Variants in GRIN2A observed in about 807,000 individuals in gnomAD.
GRIN2A encodes glutamate receptor ionotropic, NMDA 2A.
Under a neutral mutation model 113.4 loss-of-function variants are expected in GRIN2A, and 22 were observed. The observed-to-expected ratio is 0.19, with a 90% CI of 0.14 to 0.28. The LOEUF is 0.28. Among genes scored for constraint, GRIN2A ranks in the 10% least tolerant of loss-of-function variants. The probability of loss-of-function intolerance (pLI) is 1.00; values close to 1 mark genes in which losing one functional copy is unlikely to be tolerated. For missense variants in GRIN2A, 1,502 were observed against 1,887.0 expected (o/e 0.80, Z 3.78); for synonymous variants, 827 against 738.4 (o/e 1.12, Z -1.94).
chr16:10,056,489 C>A (rs948260754), intron 2 of GRIN2A, among the ~76,000 whole-genome samples: 5 of 152,196 alleles, frequency 3.3e-5, no homozygotes, highest in Admixed American at 3.3e-4. Flanking sequence ...AACCCTCTAA[C>A]CACCTGTATT....
At chr16:9,786,546 A>T (rs1902242159) in intron 11 of GRIN2A, among the ~76,000 whole-genome samples, 1 of 152,114 alleles carries the variant, frequency 6.6e-6, no homozygotes. Flanking sequence ...GTAAAAGAGG[A>T]AGGAGCACTG....
chr16:10,036,437 C>CG (rs1555468696), intron 2 of GRIN2A, among the ~76,000 whole-genome samples: 1 of 92,672 alleles, frequency 1.1e-5, no homozygotes, highest in Admixed American at 1.1e-4. Context: ...TTAGTACTTA[C>CG]TTTTTTTTTT....
chr16:10,028,807 C>CTT (rs1281492095), intron 2 of GRIN2A, among the ~76,000 whole-genome samples: 27 of 152,208 alleles, frequency 1.8e-4, no homozygotes, highest in African/African-American at 5.8e-4. Context: ...AGCATAAAAG[C>CTT]TTCCTTAGAT....
rs74935155 is a variant in GRIN2A at position 9,763,339 on chromosome 16, C to G, written c.4205G>C (p.Arg1402Pro). Residue 1402 changes from arginine (R) to proline (P), a missense_variant, in exon 13 of 13, where the codon CGG (arginine) becomes CCG (proline). Around this residue, in one of 7 missense-constraint regions of GRIN2A, gnomAD observed 832 missense variants for 789.7 expected, o/e 1.05. Coordinates refer to ENST00000330684, the MANE Select transcript of GRIN2A (RefSeq NM_001134407.3). ...CGATGCCGTTGACCTCAAGGACGAC[C>G]GAAGATAGCTGTCATTCACCGCCTG... ...PSQAVNDSYL[R>P]SSLRSTASYC... The G allele has an allele frequency of 6.2e-6, 10 of 1,613,950 alleles. No homozygotes were observed. The highest frequency in any genetic ancestry group is 8.5e-6 in the Non-Finnish European group (10 of 1,180,014).
intron 3 of GRIN2A, among the ~76,000 whole-genome samples, chr16:9,906,107 A>C (rs1277617245): frequency 1.3e-5 from 2 of 152,144 alleles, no homozygotes; most frequent in African/African-American, 4.8e-5. Flanking sequence ...TGCTATTCAG[A>C]TTCCTACATT....
At chr16:10,157,468 T>C (rs1028331953) in intron 2 of GRIN2A, among the ~76,000 whole-genome samples, 3 of 152,212 alleles carry the variant, frequency 2.0e-5, no homozygotes, top group African/African-American at 7.2e-5. Flanking sequence ...ATAAAAATAC[T>C]ACCAGAGACG....
At chr16:10,099,869 G>C (rs527619055) in intron 2 of GRIN2A, among the ~76,000 whole-genome samples, 1 of 152,292 alleles carries the variant, frequency 6.6e-6, no homozygotes, top group East Asian at 1.9e-4. Flanking sequence ...CTGAGGTGCC[G>C]AGTGCTGGGG....
chr16:10,060,195 G>C (rs929940523), intron 2 of GRIN2A, among the ~76,000 whole-genome samples: 2 of 152,142 alleles, frequency 1.3e-5, no homozygotes, highest in Non-Finnish European at 2.9e-5. Flanking sequence ...TCAGAGAAAG[G>C]ATTGAGAACA....
chr16:10,112,386 A>T (rs2142150663), intron 2 of GRIN2A: 1 of 685,692 alleles, frequency 1.5e-6, no homozygotes. Flanking sequence ...CCAGGAAGTG[A>T]TGGCCTGCGG....
At chr16:10,170,378 G>C (rs923211294) in intron 2 of GRIN2A, among the ~76,000 whole-genome samples, 1 of 152,190 alleles carries the variant, frequency 6.6e-6, no homozygotes, top group Admixed American at 6.5e-5. Context: ...CCACTTGTAA[G>C]GTAAATAGGT....
intron 4 of GRIN2A, among the ~76,000 whole-genome samples, chr16:9,870,359 G>C (rs2043236933): frequency 6.6e-6 from 1 of 151,802 alleles, no homozygotes; most frequent in African/African-American, 2.4e-5. Context: ...AAGCTGTATT[G>C]GGGAAAAAAT....
intron 2 of GRIN2A, among the ~76,000 whole-genome samples, chr16:9,947,398 A>C (rs191734449): frequency 3.3e-5 from 5 of 152,360 alleles, no homozygotes; most frequent in Admixed American, 3.3e-4. Context: ...AAAGCAAACC[A>C]GTCCCGTTCA....
intron 2 of GRIN2A, among the ~76,000 whole-genome samples, chr16:10,148,466 C>T (rs7200261): frequency 3.2e-4 from 48 of 152,218 alleles, no homozygotes; most frequent in African/African-American, 1.0e-3. Context: ...ATCTAAATGC[C>T]GACAGCTGCA....
intron 4 of GRIN2A, among the ~76,000 whole-genome samples, chr16:9,859,583 A>G (rs1189040774): frequency 6.8e-6 from 1 of 147,514 alleles, no homozygotes; most frequent in Non-Finnish European, 1.5e-5. Flanking sequence ...ACACATACCT[A>G]ACACAAACAC....
intron 2 of GRIN2A, among the ~76,000 whole-genome samples, chr16:10,072,945 CCTTT>C (rs1281197767): frequency 3.1e-5 from 3 of 96,036 alleles, no homozygotes; most frequent in African/African-American, 1.2e-4. Context: ...GACAAGACCC[CCTTT>C]TTTTTTTTTT....
chr16:9,961,029 G>C (rs2045429345), intron 2 of GRIN2A, among the ~76,000 whole-genome samples: 1 of 152,172 alleles, frequency 6.6e-6, no homozygotes, highest in African/African-American at 2.4e-5. Flanking sequence ...GCAATTTAAT[G>C]GATGTAAAAT....
At chr16:10,053,473 C>T (rs538102947) in intron 2 of GRIN2A, among the ~76,000 whole-genome samples, 1 of 152,320 alleles carries the variant, frequency 6.6e-6, no homozygotes, top group South Asian at 2.1e-4. Context: ...GTGTGCCTCT[C>T]TGAAGCCCAT....
chr16:9,997,860 A>C (rs1051932051), intron 2 of GRIN2A, among the ~76,000 whole-genome samples: 6 of 152,168 alleles, frequency 3.9e-5, no homozygotes, highest in South Asian at 2.1e-4. Context: ...CATGTAAGAC[A>C]TGCCTTTGTT....
chr16:9,930,800 A>G (rs1451946547), intron 3 of GRIN2A, among the ~76,000 whole-genome samples: 1 of 152,220 alleles, frequency 6.6e-6, no homozygotes, highest in Non-Finnish European at 1.5e-5. Context: ...CAGTCTCTTA[A>G]TGGGTCATTA....
Sources: gnomAD v4.1 joint callset for allele counts (sites outside exome capture counted in the v4.1 genomes callset) on GRCh38, gnomAD v4.1.1 for gene constraint, gnomAD v4.1.1 regional missense constraint, MANE v1.5 for transcripts, NCBI Gene and HGNC (gene_info 2026-07-23, HGNC 2026-07-21) for gene names.